Variants in CHN2 observed in about 807,000 individuals in gnomAD.
CHN2 encodes chimerin 2.
A neutral mutation model predicts 56.3 loss-of-function variants in CHN2; 35 were observed. That is an observed-to-expected ratio of 0.62 (90% confidence interval 0.47 to 0.82). The LOEUF is 0.82. CHN2 is among the 40% of genes least tolerant of loss of function. The pLI is 0.00. For missense variants in CHN2, 491 were observed against 580.5 expected (o/e 0.85, Z 1.58); for synonymous variants, 210 against 212.8 (o/e 0.99, Z 0.12).
At chr7:29,273,355 A>ATATATATATATATGTGTG (rs1790867885) in intron 1 of CHN2, among the ~76,000 whole-genome samples, 1 of 75,006 alleles carries the variant, frequency 1.3e-5, no homozygotes, top group African/African-American at 5.5e-5. Context: ...ATATATATAT[A>ATATATATATATATGTGTG]TATATATATA....
chr7:29,288,229 G>A (rs1792311541), intron 1 of CHN2, among the ~76,000 whole-genome samples: 1 of 152,166 alleles, frequency 6.6e-6, no homozygotes, highest in Non-Finnish European at 1.5e-5. Flanking sequence ...GCTTGGCTGT[G>A]TGGCCTTGGA....
intron 1 of CHN2, among the ~76,000 whole-genome samples, chr7:29,345,620 A>T (rs1353851770): frequency 1.3e-5 from 2 of 152,078 alleles, no homozygotes; most frequent in African/African-American, 2.4e-5. Flanking sequence ...TGACCAGGGG[A>T]TGCTGACCGG....
intron 3 of CHN2, among the ~76,000 whole-genome samples, chr7:29,390,051 C>A (rs113138345): frequency 0.021 from 897 of 43,428 alleles, 7 homozygotes; most frequent in African/African-American, 0.056. Context: ...GAGACACTGT[C>A]TCAAAAAAAA....
At chr7:29,440,684 C>CAAAAAAA (rs556692737) in intron 6 of CHN2, among the ~76,000 whole-genome samples, 5 of 45,664 alleles carry the variant, frequency 1.1e-4, no homozygotes, top group African/African-American at 2.1e-4. Flanking sequence ...GACTCCGTCT[C>CAAAAAAA]AAAAAAAAAA....
chr7:29,480,019 C>A, intron 6 of CHN2: 2 of 1,509,588 alleles, frequency 1.3e-6, no homozygotes, highest in South Asian at 1.3e-5. Context: ...TCAAATCTGC[C>A]GCCTAACATA....
At chr7:29,500,655 G>C (rs1030582762) in intron 9 of CHN2, among the ~76,000 whole-genome samples, 2 of 152,054 alleles carry the variant, frequency 1.3e-5, no homozygotes, top group Non-Finnish European at 2.9e-5. Context: ...ATTTAAGGAC[G>C]GTGAGAAGGG....
intron 6 of CHN2, among the ~76,000 whole-genome samples, chr7:29,410,518 A>G (rs1448537134): frequency 1.3e-5 from 2 of 152,084 alleles, no homozygotes; most frequent in Admixed American, 6.6e-5. Flanking sequence ...TGGGTCATCT[A>G]TTGGCACTTA....
intron 2 of CHN2, among the ~76,000 whole-genome samples, chr7:29,188,388 C>T (rs925998702): frequency 2.0e-5 from 3 of 152,120 alleles, no homozygotes; most frequent in African/African-American, 7.2e-5. Flanking sequence ...ATTAAACTTT[C>T]CTAGAATCAT....
intron 2 of CHN2, among the ~76,000 whole-genome samples, chr7:29,166,068 A>G (rs1032666544): frequency 1.3e-5 from 2 of 151,988 alleles, no homozygotes; most frequent in African/African-American, 4.8e-5. Context: ...GTCTCACTCT[A>G]TGCCTAGGCT....
intron 1 of CHN2, among the ~76,000 whole-genome samples, chr7:29,308,663 C>T (rs1794352472): frequency 6.6e-6 from 1 of 152,168 alleles, no homozygotes; most frequent in South Asian, 2.1e-4. Context: ...TCACCTGGGC[C>T]ACATTCCATA....
intron 1 of CHN2, among the ~76,000 whole-genome samples, chr7:29,236,025 C>G (rs13241104): frequency 1.3e-5 from 2 of 152,314 alleles, no homozygotes; most frequent in Admixed American, 1.3e-4. Flanking sequence ...CATGTATCCC[C>G]TGAACCTAAA....
intron 1 of CHN2, among the ~76,000 whole-genome samples, chr7:29,237,729 CCAGA>C (rs1279134229): frequency 6.6e-6 from 1 of 152,040 alleles, no homozygotes; most frequent in East Asian, 1.9e-4. Flanking sequence ...GGCCTCAGAG[CCAGA>C]CAAACAGAAG....
intron 1 of CHN2, among the ~76,000 whole-genome samples, chr7:29,315,415 T>C (rs1447731585): frequency 6.6e-6 from 1 of 152,214 alleles, no homozygotes; most frequent in Non-Finnish European, 1.5e-5. Flanking sequence ...AAATAATTCC[T>C]TCAGGGAGTA....
chr7:29,443,604 T>G (rs1783829263), intron 6 of CHN2, among the ~76,000 whole-genome samples: 1 of 152,228 alleles, frequency 6.6e-6, no homozygotes, highest in South Asian at 2.1e-4. Flanking sequence ...TCTCAGTGCC[T>G]TACATGGCAA....
intron 1 of CHN2, among the ~76,000 whole-genome samples, chr7:29,209,956 G>A (rs1375294820): frequency 2.0e-5 from 3 of 152,144 alleles, no homozygotes; most frequent in East Asian, 1.9e-4. Context: ...GAGGGGTCAC[G>A]TGACCTAAGT....
chr7:29,223,514 G>A (rs900811134), intron 1 of CHN2, among the ~76,000 whole-genome samples: 8 of 152,056 alleles, frequency 5.3e-5, no homozygotes, highest in African/African-American at 1.4e-4. Flanking sequence ...AATCATATAA[G>A]ATTTACTTAT....
At chr7:29,185,510 T>TA (rs1295583651) in intron 2 of CHN2, 2 of 152,194 alleles carry the variant, frequency 1.3e-5, no homozygotes, top group Non-Finnish European at 2.9e-5. Context: ...CATTAGCTCT[T>TA]ACCATTTCCA....
intron 1 of CHN2, among the ~76,000 whole-genome samples, chr7:29,251,414 G>A (rs879294291): frequency 2.6e-5 from 4 of 152,036 alleles, no homozygotes; most frequent in South Asian, 2.1e-4. Flanking sequence ...TGATCATGCC[G>A]CTGCATTTCA....
At chr7:29,313,038 T>G (rs1794705140) in intron 1 of CHN2, among the ~76,000 whole-genome samples, 1 of 152,180 alleles carries the variant, frequency 6.6e-6, no homozygotes, top group Non-Finnish European at 1.5e-5. Flanking sequence ...CAACTCATAT[T>G]TCCAGAACTT....
Sources: allele counts gnomAD v4.1 joint callset (sites outside exome capture counted in the v4.1 genomes callset), GRCh38; gene constraint gnomAD v4.1.1; transcripts MANE v1.5; gene names NCBI Gene and HGNC (gene_info 2026-07-23, HGNC 2026-07-21).